The following VPS16 variants were observed in gnomAD, a reference collection of about 807,000 sequenced individuals.
VPS16 encodes vacuolar protein sorting-associated protein 16 homolog.
A neutral mutation model predicts 116.0 loss-of-function variants in VPS16; 82 were observed. The observed-to-expected ratio is 0.71, with a 90% confidence interval of 0.59 to 0.85. The LOEUF (loss-of-function observed/expected upper bound fraction) is 0.85, where lower values mean the gene tolerates loss of function less well. Among genes scored for constraint, VPS16 ranks in the 40% least tolerant of loss-of-function variants. The pLI is 0.00. For missense variants in VPS16, 928 were observed against 1,090.6 expected (o/e 0.85, Z 2.10); for synonymous variants, 406 against 420.7 (o/e 0.96, Z 0.43).
At chr20:2,854,519 C>T (rs568897392) in intron 1 of VPS16, among the ~76,000 whole-genome samples, 8 of 151,914 alleles carry the variant, frequency 5.3e-5, no homozygotes, top group South Asian at 2.1e-4. Flanking sequence ...TGAGGCCGGG[C>T]GTGGTGGCTC....
intron 1 of VPS16, among the ~76,000 whole-genome samples, chr20:2,842,193 T>C (rs1020355564): frequency 6.6e-6 from 1 of 152,188 alleles, no homozygotes; most frequent in Non-Finnish European, 1.5e-5. Flanking sequence ...TCCCAGGTAC[T>C]GGAGAGGCTG....
chr20:2,863,157 C>T lies in VPS16; in HGVS notation c.1367+57C>T, dbSNP rs2089259144. 1.2e-6 allele frequency: 2 copies of T among 1,612,792 alleles called. No homozygotes were observed. Among genetic ancestry groups the T allele is most frequent in the African/African-American group, 1.3e-5 (1 of 74,714 alleles). ...CTGTCAGGGGGGTGGGCATTACAGC[C>T]TTGGGTGGGGTCTTATGGTCACTGC... On this transcript the variant is annotated intron_variant, in intron 14 of 23. Transcript: ENST00000380445. The surrounding 1 kb of genome is among the most constrained non-coding windows in gnomAD (Gnocchi z 4.4).
intron 1 of VPS16, among the ~76,000 whole-genome samples, chr20:2,845,831 C>T (rs2325971): frequency 0.49 from 74,442 of 151,980 alleles, 20,341 homozygotes; most frequent in African/African-American, 0.72. Flanking sequence ...ATTTGACTAC[C>T]CTAGACTCCT....
Position 2,865,802 on chromosome 20 carries a change from C to A in VPS16, c.2271+307C>A. On this transcript the variant is annotated intron_variant, in intron 22 of 23. Coordinates refer to ENST00000380445, the MANE Select transcript of VPS16 (RefSeq NM_022575.4). This position sits in a 1 kb window ranked among gnomAD's most constrained non-coding sequence, Gnocchi z 5.2. Reference sequence around the variant, plus strand: ...TTGTCTGAGGAGGGTGGAGGGGGCACAGGGAGGGTGCATATGGGAGGCAGT... The same window carrying A: ...TTGTCTGAGGAGGGTGGAGGGGGCAAAGGGAGGGTGCATATGGGAGGCAGT... 2.1e-6 allele frequency: 1 copy of A among 482,382 alleles called. No homozygotes were observed. Among genetic ancestry groups the A allele is most frequent in the Non-Finnish European group, 3.7e-6 (1 of 267,444 alleles). The allele number at this position is 482,382 out of a possible 1,614,324, so 29.9% of individuals were successfully genotyped here.
At chr20:2,855,176 G>A (rs551004736) in intron 1 of VPS16, among the ~76,000 whole-genome samples, 58 of 152,012 alleles carry the variant, frequency 3.8e-4, no homozygotes, top group African/African-American at 1.4e-3. Context: ...GGCCAGGCTG[G>A]TCTCAACTCC....
intron 1 of VPS16, among the ~76,000 whole-genome samples, chr20:2,856,324 A>G (rs749686013): frequency 1.3e-5 from 2 of 152,230 alleles, no homozygotes; most frequent in Non-Finnish European, 2.9e-5. Context: ...CAATTATAGT[A>G]GTAACATCAC....
At chr20:2,842,694 AGATGTATCTATATATAGATAGACATATG>A (rs1568620586) in intron 1 of VPS16, among the ~76,000 whole-genome samples, 3 of 136,294 alleles carry the variant, frequency 2.2e-5, no homozygotes, top group Admixed American at 1.5e-4. Flanking sequence ...AGATACATCT[AGATGTATCTATATATAGATAGACATATG>A]GATGTATCTA....
In VPS16 at chr20:2,860,843, C is replaced by A; in HGVS notation, c.610C>A (p.His204Asn). The change falls in exon 6 of 24, where the codon CAT becomes AAT. Residue 204 changes from histidine (H) to asparagine (N), a missense_variant. Transcript: ENST00000380445. This position sits in a 1 kb window ranked among gnomAD's most constrained non-coding sequence, Gnocchi z 6.1. Reference protein sequence around the residue: ...AVGPDLYLLDHAACSAVTPPG... With the variant: ...AVGPDLYLLDNAACSAVTPPG... Reference sequence around the variant, plus strand: ...GGGGCCTGACCTTTACCTCTTGGACCATGCAGCCTGCTCCGCAGTGGTAAG... The same window carrying A: ...GGGGCCTGACCTTTACCTCTTGGACAATGCAGCCTGCTCCGCAGTGGTAAG... 1 of 1,614,132 alleles carries A rather than the reference C, an allele frequency of 6.2e-7. No homozygotes were observed. Among genetic ancestry groups the A allele is most frequent in the Non-Finnish European group, 8.5e-7 (1 of 1,180,030 alleles).
At chr20:2,840,886 A>G (rs1599960843) in intron 1 of VPS16, 59 bp downstream of exon 1, 1 of 1,266,582 alleles carries the variant, frequency 7.9e-7, no homozygotes, top group Non-Finnish European at 1.0e-6. Context: ...CGCCGGCTGG[A>G]GTCTCCCGGC....
Position 2,840,769 on chromosome 20 carries a change from C to G in VPS16, c.-6C>G, listed in dbSNP as rs567061093. 97 of 1,548,252 alleles carry G rather than the reference C, an allele frequency of 6.3e-5. No individual in the cohort carries two copies. The highest frequency in any genetic ancestry group is 8.2e-5 in the Non-Finnish European group (94 of 1,146,538). On this transcript the variant is annotated 5_prime_UTR_variant, in exon 1 of 24. Coordinates refer to ENST00000380445, the MANE Select transcript of VPS16 (RefSeq NM_022575.4). ...CGGTGCTTCCCAGCTGCCGTCTGCA[C>G]CAGCCATGGACTGCTACACGGCGAA...
rs1285090453 is a variant in VPS16, at chr20:2,863,971, A to G, written c.1499A>G (p.Asp500Gly). 6.2e-7 allele frequency: 1 copy of G among 1,613,898 alleles called. No homozygotes were observed. The highest frequency in any genetic ancestry group is 8.5e-7 in the Non-Finnish European group (1 of 1,179,962). Residue 500 changes from aspartate (D) to glycine (G), a missense_variant, in exon 16 of 24, where the codon GAT (aspartate) becomes GGT (glycine). By Grantham distance (94) the Asp-to-Gly change is moderately conservative. Transcript: ENST00000380445. The surrounding 1 kb of genome is among the most constrained non-coding windows in gnomAD (Gnocchi z 4.4). Reference protein sequence around the residue: ...CYKVQQKDVSDEDVARAINQK... With the variant: ...CYKVQQKDVSGEDVARAINQK... ...CAGGTGCAACAGAAGGATGTCTCAG[A>G]TGAGGATGTGGCTCGAGCCATTAAC...
Position 2,865,029 on chromosome 20 carries a change from A to T in VPS16, c.1978A>T (p.Lys660Ter). 1 of 1,614,162 alleles carries T rather than the reference A, an allele frequency of 6.2e-7. No homozygotes were observed. The highest frequency in any genetic ancestry group is 8.5e-7 in the Non-Finnish European group (1 of 1,180,026). Residue 660 changes from lysine (K) to a stop codon, truncating the protein, a stop_gained, in exon 20 of 24, where the codon AAG becomes TAG. Coordinates refer to ENST00000380445, the MANE Select transcript of VPS16 (RefSeq NM_022575.4). LOFTEE classifies it high-confidence loss of function. This position sits in a 1 kb window ranked among gnomAD's most constrained non-coding sequence, Gnocchi z 5.2. ...GCAGACAGCCGCCGATGCCTTCTACAAGGCCAAGAATGAGTTTGCAGCCAA... is the reference window on the plus strand; with the variant it reads ...GCAGACAGCCGCCGATGCCTTCTACTAGGCCAAGAATGAGTTTGCAGCCAA... ...ALQTAADAFY[K>*]AKNEFAAKAT...
chr20:2,864,587 A>G lies in VPS16; in HGVS notation c.1859A>G (p.Tyr620Cys). The change falls in exon 19 of 24, where the codon TAC (tyrosine) becomes TGC (cysteine). Residue 620 changes from tyrosine to cysteine, a missense_variant. Transcript: ENST00000380445. The surrounding 1 kb of genome is among the most constrained non-coding windows in gnomAD (Gnocchi z 5.2). Reference sequence around the variant, plus strand: ...GAGCTAGAGACGCTGAAGGACCTTTACAATCAGGATGACAATCACCAGGAA... The same window carrying G: ...GAGCTAGAGACGCTGAAGGACCTTTGCAATCAGGATGACAATCACCAGGAA... ...HQELETLKDL[Y>C]NQDDNHQELG... is the part of the protein sequence containing the mutation. 11 of 1,614,098 alleles carry G rather than the reference A, an allele frequency of 6.8e-6. No homozygotes were observed. Among genetic ancestry groups the G allele is most frequent in the Non-Finnish European group, 8.5e-6 (10 of 1,180,014 alleles).
Position 2,861,578 on chromosome 20 carries a change from G to T in VPS16, c.810-37G>T, listed in dbSNP as rs529007157. ...CAGCCATGTGGGAGACATGGCCATG[G>T]GACAGTGTCTAGCCAGTGTGTATAT... On this transcript the variant is annotated intron_variant, in intron 8 of 23. Transcript: ENST00000380445. 1.9e-6 allele frequency: 3 copies of T among 1,575,972 alleles called. No homozygotes were observed. The East Asian group carries it at 6.9e-5, about 36-fold the overall frequency.
In VPS16 at chr20:2,860,973, C is replaced by T; in HGVS notation, c.634C>T (p.Pro212Ser). The T allele has an allele frequency of 6.2e-7, 1 of 1,614,158 alleles. No homozygotes were observed. Among genetic ancestry groups the T allele is most frequent in the Non-Finnish European group, 8.5e-7 (1 of 1,180,048 alleles). The change falls in exon 7 of 24, where the codon CCC (proline) becomes TCC (serine). Residue 212 changes from proline (P) to serine (S), a missense_variant. Coordinates refer to ENST00000380445, the MANE Select transcript of VPS16 (RefSeq NM_022575.4). This position sits in a 1 kb window ranked among gnomAD's most constrained non-coding sequence, Gnocchi z 6.1. ...LDHAACSAVT[P>S]PGLAPGVSSF... ...CCCTACCCTGGCTCTGCCTCAGACG[C>T]CCCCTGGCCTGGCCCCAGGAGTAAG... is the stretch of plus-strand genomic sequence containing the variant.
chr20:2,842,721 T>TCCA (rs2089001686), intron 1 of VPS16, among the ~76,000 whole-genome samples: 1 of 104,094 alleles, frequency 9.6e-6, no homozygotes, highest in Non-Finnish European at 2.0e-5. Context: ...GATAGACATA[T>TCCA]GGATGTATCT....
rs1381700822 is a variant in VPS16, at chr20:2,843,529, A to G, written c.53+2702A>G. Among the ~76,000 whole-genome samples the G allele has an allele frequency of 2.0e-5, 3 of 152,222 alleles. No individual in the cohort carries two copies. In the South Asian group the frequency reaches 6.2e-4, roughly 32 times the overall value. ...ATAAATGCAGTAGGAAATGATTTCA[A>G]CTTGTTTCTGTGGAGAAGGAATTTC... On this transcript the variant is annotated intron_variant, in intron 1 of 23. Transcript: ENST00000380445.
At chr20:2,853,419 A>T (rs965978636) in intron 1 of VPS16, among the ~76,000 whole-genome samples, 1 of 146,440 alleles carries the variant, frequency 6.8e-6, no homozygotes, top group East Asian at 2.0e-4. Flanking sequence ...AAAAAAAAAA[A>T]CCCACTTTCT....
chr20:2,864,458 G>C lies in VPS16; in HGVS notation c.1814G>C (p.Arg605Pro). The C allele has an allele frequency of 5.6e-6, 9 of 1,614,154 alleles. No homozygotes were observed. The highest frequency in any genetic ancestry group is 7.6e-6 in the Non-Finnish European group (9 of 1,180,016). ...CAGCCCATGGCCCTCAGTTTGTACC[G>C]ACAGGTGTGTGTAGTGGGCAGGGTT... ...RNQPMALSLY[R>P]QFCKHQELET... is the part of the protein sequence containing the mutation. The change falls in exon 18 of 24, where the codon CGA (arginine) becomes CCA (proline). Residue 605 changes from arginine (R) to proline (P), a missense_variant. Physicochemically the swap from Arg to Pro is moderately radical, Grantham distance 103. Transcript: ENST00000380445. This position sits in a 1 kb window ranked among gnomAD's most constrained non-coding sequence, Gnocchi z 5.2.
Sources: allele counts gnomAD v4.1 joint callset (sites outside exome capture counted in the v4.1 genomes callset), GRCh38; gene constraint gnomAD v4.1.1; non-coding constraint Gnocchi (gnomAD v3.1); transcripts MANE v1.5; gene names NCBI Gene and HGNC (gene_info 2026-07-23, HGNC 2026-07-21).